ST3GAL1: variants seen among roughly 807,000 people sequenced by gnomAD.
ST3GAL1 encodes ST3 beta-galactoside alpha-2,3-sialyltransferase 1, also known as CMP-N-acetylneuraminate-beta-galactosamide-alpha-2,3-sialyltransferase 1.
ST3GAL1 carries 16 observed loss-of-function variants against 34.1 expected under a neutral mutation model. That is an observed-to-expected ratio of 0.47 (90% CI 0.32 to 0.71). The LOEUF is 0.71. Among genes scored for constraint, ST3GAL1 ranks in the 30% least tolerant of loss-of-function variants. ST3GAL1 has a pLI of 0.04. For missense variants in ST3GAL1, 353 were observed against 447.4 expected (o/e 0.79, Z 1.90); for synonymous variants, 191 against 184.7 (o/e 1.03, Z -0.28).
intron 2 of ST3GAL1, among the ~76,000 whole-genome samples, chr8:133,507,934 C>T (rs1170391366): frequency 6.6e-6 from 1 of 152,174 alleles, no homozygotes; most frequent in Non-Finnish European, 1.5e-5. Flanking sequence ...TGGCTGCTGA[C>T]AGCTCACAGC....
rs1258540311 is a variant in ST3GAL1, at chr8:133,556,221, C to G, written c.-581-10295G>C. 6.6e-6 allele frequency among the ~76,000 whole-genome samples: 1 copy of G among 152,098 alleles called. No homozygotes were observed. The highest frequency in any genetic ancestry group is 1.5e-5 in the Non-Finnish European group (1 of 68,026). On this transcript the variant is annotated intron_variant, in intron 1 of 9. Transcript: ENST00000522652. The surrounding 1 kb of genome is among the most constrained non-coding windows in gnomAD (Gnocchi z 8.9). The stretch of plus-strand genomic sequence containing the variant: ...TGTTTTTTCTTTTTGAATCTCCACT[C>G]TCACCCAGGAAGATGAGTTGGTGTC...
intron 2 of ST3GAL1, among the ~76,000 whole-genome samples, chr8:133,544,718 T>C (rs1156443491): frequency 2.0e-5 from 3 of 152,168 alleles, no homozygotes; most frequent in Admixed American, 6.5e-5. Flanking sequence ...ATAAACCCCA[T>C]GGCCCAAGTG....
chr8:133,483,117 G>A (rs1448860347), intron 3 of ST3GAL1, among the ~76,000 whole-genome samples: 5 of 152,202 alleles, frequency 3.3e-5, no homozygotes, highest in African/African-American at 7.2e-5. Context: ...TGGGGTGGGC[G>A]GATCACTCGA....
chr8:133,462,082 A>C, intron 8 of ST3GAL1, 88 bp from the exon 9 acceptor site: 1 of 1,578,222 alleles, frequency 6.3e-7, no homozygotes, highest in East Asian at 2.3e-5. Flanking sequence ...TGTTGTGGCC[A>C]TGGAGGCACA....
intron 1 of ST3GAL1, among the ~76,000 whole-genome samples, chr8:133,564,079 C>A (rs1819322003): frequency 1.3e-5 from 2 of 152,208 alleles, no homozygotes; most frequent in Admixed American, 1.3e-4. Flanking sequence ...TGTTTAATTT[C>A]TTTTAAACTA....
chr8:133,557,236 G>C (rs967221456), intron 1 of ST3GAL1, among the ~76,000 whole-genome samples: 4 of 152,178 alleles, frequency 2.6e-5, no homozygotes, highest in African/African-American at 4.8e-5. Context: ...CTTGCTCACC[G>C]GGAGGTCTAA....
chr8:133,542,847 T>TATAAAGAATAACAA (rs1169163946), intron 2 of ST3GAL1, among the ~76,000 whole-genome samples: 1 of 142,140 alleles, frequency 7.0e-6, no homozygotes, highest in Non-Finnish European at 1.5e-5. Flanking sequence ...GGAAACCAAC[T>TATAAAGAATAACAA]AATAAATGAA....
chr8:133,497,117 C>T (rs757158864), intron 3 of ST3GAL1, among the ~76,000 whole-genome samples: 14 of 152,224 alleles, frequency 9.2e-5, no homozygotes, highest in East Asian at 1.9e-4. Flanking sequence ...GCCACTGCAC[C>T]CCTACCTGGG....
chr8:133,498,086 G>A lies in ST3GAL1; in HGVS notation c.-374+1049C>T, dbSNP rs965900536. ...AGCCTTCCCTGGTCACCCTAAAATCGCTGTCTCTGCCACTTGTTCTGTGGC... is the reference window on the plus strand; with the variant it reads ...AGCCTTCCCTGGTCACCCTAAAATCACTGTCTCTGCCACTTGTTCTGTGGC... On this transcript the variant is annotated intron_variant, in intron 3 of 9. Transcript: ENST00000522652. Among the ~76,000 whole-genome samples, 66 of 152,148 alleles carry A rather than the reference G, an allele frequency of 4.3e-4. 1 individual carries two copies. Among genetic ancestry groups the A allele is most frequent in the Non-Finnish European group, 6.2e-4 (42 of 68,032 alleles).
chr8:133,474,543 A>T (rs1237368743), intron 5 of ST3GAL1, among the ~76,000 whole-genome samples: 1 of 152,200 alleles, frequency 6.6e-6, no homozygotes, highest in Non-Finnish European at 1.5e-5. Context: ...TGCACTTACA[A>T]GAAATCCCAG....
intron 3 of ST3GAL1, among the ~76,000 whole-genome samples, chr8:133,497,415 T>C (rs1321341808): frequency 2.0e-5 from 3 of 151,388 alleles, no homozygotes; most frequent in African/African-American, 4.9e-5. Flanking sequence ...AGTTTCCTAT[T>C]AGAGATACAC....
chr8:133,541,112 T>TAGAGAGAGAGAGAG lies in ST3GAL1; in HGVS notation c.-429+4661_-429+4662insCTCTCTCTCTCTCT, dbSNP rs1438213053. Among the ~76,000 whole-genome samples the TAGAGAGAGAGAGAG allele has an allele frequency of 5.9e-4, 24 of 40,714 alleles. 2 individuals are homozygous for TAGAGAGAGAGAGAG. The highest frequency in any genetic ancestry group is 1.7e-3 in the East Asian group (4 of 2,300). The allele number at this position is 40,714 out of a possible 152,430, so 26.7% of individuals were successfully genotyped here. ...ATATATAAACATATATATATATATA[T>TAGAGAGAGAGAGAG]ATATATATAGAGAGAGAGAGAGAGA... On this transcript the variant is annotated intron_variant, in intron 2 of 9. Coordinates refer to ENST00000522652, the MANE Select transcript of ST3GAL1 (RefSeq NM_173344.3).
intron 9 of ST3GAL1, among the ~76,000 whole-genome samples, chr8:133,460,426 A>C (rs1815454420): frequency 6.6e-6 from 1 of 152,200 alleles, no homozygotes; most frequent in African/African-American, 2.4e-5. Context: ...GGGTCCAAGA[A>C]TCATGATTGC....
intron 2 of ST3GAL1, among the ~76,000 whole-genome samples, chr8:133,535,983 T>C (rs893010952): frequency 6.6e-6 from 1 of 152,152 alleles, no homozygotes; most frequent in African/African-American, 2.4e-5. Flanking sequence ...AAGCCTGAAA[T>C]ATCTCCACAT....
chr8:133,461,833 G>T lies in ST3GAL1; in HGVS notation c.849+42C>A. ...GCCTCTCTTGGGAACACAGGACGGT[G>T]AGCTTCGAGGCAGCCCTGTGGGCAG... On this transcript the variant is annotated intron_variant, in intron 9 of 9. Transcript: ENST00000522652. This position sits in a 1 kb window ranked among gnomAD's most constrained non-coding sequence, Gnocchi z 4.7. The T allele has an allele frequency of 6.2e-7, 1 of 1,612,316 alleles. No individual in the cohort carries two copies. The highest frequency in any genetic ancestry group is 1.3e-5 in the African/African-American group (1 of 75,048).
At position 133,508,448 on chromosome 8, in the gene ST3GAL1, C is replaced by T. The variant is rs893694687; in HGVS notation, c.-428-9259G>A. On this transcript the variant is annotated intron_variant, in intron 2 of 9. Coordinates refer to ENST00000522652, the MANE Select transcript of ST3GAL1 (RefSeq NM_173344.3). This position sits in a 1 kb window ranked among gnomAD's most constrained non-coding sequence, Gnocchi z 4.1. ...ACATCCCTGCTCAGCAGCTCCCCTGCGTAGCCCTGTGTCCCCCACCCTTTC... is the reference window on the plus strand; with the variant it reads ...ACATCCCTGCTCAGCAGCTCCCCTGTGTAGCCCTGTGTCCCCCACCCTTTC... Among the ~76,000 whole-genome samples the T allele has an allele frequency of 4.6e-5, 7 of 152,102 alleles. No individual in the cohort carries two copies. The highest frequency in any genetic ancestry group is 1.9e-4 in the East Asian group (1 of 5,166).
At position 133,466,102 on chromosome 8, in the gene ST3GAL1, G is replaced by A; in HGVS notation, c.307-12C>T. On this transcript the variant is annotated splice_polypyrimidine_tract_variant and intron_variant, in intron 5 of 9. Transcript: ENST00000522652. The surrounding 1 kb of genome is among the most constrained non-coding windows in gnomAD (Gnocchi z 4.4). Reference sequence around the variant, plus strand: ...TCCCGCTGGAGCCTCTGTGGGCGGAGGACAGAAGGTGGTCAACCTGGCTTT... The same window carrying A: ...TCCCGCTGGAGCCTCTGTGGGCGGAAGACAGAAGGTGGTCAACCTGGCTTT... 1 of 1,601,576 alleles carries A rather than the reference G, an allele frequency of 6.2e-7. No homozygotes were observed. Among genetic ancestry groups the A allele is most frequent in the South Asian group, 1.1e-5 (1 of 90,222 alleles).
In ST3GAL1 at chr8:133,476,592, G is replaced by A. The variant is rs1357929912; in HGVS notation, c.-365C>T. On this transcript the variant is annotated 5_prime_UTR_variant, in exon 4 of 10. Transcript: ENST00000522652. Reference sequence around the variant, plus strand: ...CAGCTTGATGAAGGCACAGAAGGTTGTCTGTCATCTGCAAAGAAAAGGAGG... The same window carrying A: ...CAGCTTGATGAAGGCACAGAAGGTTATCTGTCATCTGCAAAGAAAAGGAGG... 6.6e-6 allele frequency: 1 copy of A among 152,252 alleles called. No individual in the cohort carries two copies. The highest frequency in any genetic ancestry group is 1.5e-5 in the Non-Finnish European group (1 of 68,086). 9.4% of individuals were successfully genotyped at this position (152,252 alleles called of 1,614,324 possible).
chr8:133,493,486 C>T (rs1177285389), intron 3 of ST3GAL1, among the ~76,000 whole-genome samples: 1 of 152,092 alleles, frequency 6.6e-6, no homozygotes, highest in Non-Finnish European at 1.5e-5. Context: ...GTGGGGGATG[C>T]TGTGTATAAG....
Sources: allele counts gnomAD v4.1 joint callset (sites outside exome capture counted in the v4.1 genomes callset), GRCh38; gene constraint gnomAD v4.1.1; non-coding constraint Gnocchi (gnomAD v3.1); transcripts MANE v1.5; gene names NCBI Gene and HGNC (gene_info 2026-07-23, HGNC 2026-07-21).